The following PDCD10 variants were observed in gnomAD, a reference collection of about 807,000 sequenced individuals.
The protein encoded by PDCD10 is programmed cell death 10, also known as programmed cell death protein 10.
Under a neutral mutation model 29.2 loss-of-function variants are expected in PDCD10, and 4 were observed. The ratio of observed to expected loss-of-function variants is 0.14; its 90% CI spans 0.07 to 0.31. The LOEUF (loss-of-function observed/expected upper bound fraction) is 0.31. Among genes scored for constraint, PDCD10 ranks in the 10% least tolerant of loss-of-function variants. The probability of loss-of-function intolerance (pLI) is 1.00; values close to 1 mark genes in which losing one functional copy is unlikely to be tolerated. For missense variants in PDCD10, 183 were observed against 257.9 expected, an observed-to-expected ratio of 0.71 and a Z score of 1.99; for synonymous variants, 70 against 82.2, an observed-to-expected ratio of 0.85 and a Z score of 0.80.
At chr3:167,714,205 T>C (rs2108466089) in intron 3 of PDCD10, among the ~76,000 whole-genome samples, 1 of 152,218 alleles carries the variant, frequency 6.6e-6, no homozygotes, top group African/African-American at 2.4e-5. Flanking sequence ...CAAGGAGATT[T>C]ATCCCAGGAC....
In PDCD10 at chr3:167,731,976, T is replaced by C. The variant is rs542998865; in HGVS notation, c.-117+2238A>G. Among the ~76,000 whole-genome samples, 14 of 152,252 alleles carry C rather than the reference T, an allele frequency of 9.2e-5. 1 individual carries two copies. The South Asian group carries it at 2.7e-3, about 29-fold the overall frequency. ...GGCCACCAAGTCAGGAAGCAGCTTA[T>C]GTATGTAGTAACTGAAAGGCATGGT... On this transcript the variant is annotated intron_variant, in intron 2 of 8. Transcript: ENST00000392750.
chr3:167,687,468 A>T, intron 7 of PDCD10, 147 bp downstream of exon 7: 1 of 730,568 alleles, frequency 1.4e-6, no homozygotes, highest in South Asian at 1.5e-5. Context: ...CTTTTAAATA[A>T]AAAGGCATAT....
At chr3:167,688,397 T>G (rs2108377992) in intron 6 of PDCD10, among the ~76,000 whole-genome samples, 1 of 152,296 alleles carries the variant, frequency 6.6e-6, no homozygotes, top group African/African-American at 2.4e-5. Context: ...TTCTTGCACT[T>G]TAACCTTCCC....
chr3:167,686,739 C>G (rs1468620054), intron 8 of PDCD10, among the ~76,000 whole-genome samples: 1 of 152,140 alleles, frequency 6.6e-6, no homozygotes, highest in East Asian at 1.9e-4. Context: ...TCTGATGCCA[C>G]TAAAGTTTGA....
At chr3:167,707,760 A>G (rs1283448463) in intron 3 of PDCD10, among the ~76,000 whole-genome samples, 1 of 152,196 alleles carries the variant, frequency 6.6e-6, no homozygotes, top group Admixed American at 6.5e-5. Flanking sequence ...CAGTGCATAC[A>G]CTGTATTTTG....
At position 167,695,602 on chromosome 3, in the gene PDCD10, G is replaced by A. The variant is rs74635000; in HGVS notation, c.389C>T (p.Thr130Ile). The A allele has an allele frequency of 7.4e-6, 12 of 1,613,002 alleles. No individual in the cohort carries two copies. The East Asian group carries it at 2.7e-4, about 36-fold the overall frequency. The change falls in exon 6 of 9, where the codon ACA (threonine) becomes ATA (isoleucine). Residue 130 changes from threonine (T) to isoleucine (I), a missense_variant. Coordinates refer to ENST00000392750, the MANE Select transcript of PDCD10 (RefSeq NM_007217.4). ...AAAACAAATAATTGCTTACTTGATT[G>A]TCTGCAGAAACCTCACTCTGTCATT... Reference protein sequence around the residue: ...EINDRVRFLQTIKDIASAIKE... With the variant: ...EINDRVRFLQIIKDIASAIKE...
intron 2 of PDCD10, among the ~76,000 whole-genome samples, chr3:167,728,236 TAA>T (rs199510641): frequency 2.3e-5 from 3 of 131,076 alleles, no homozygotes; most frequent in East Asian, 2.3e-4. Context: ...CAGTTCTCAA[TAA>T]AAAAAAAAAA....
intron 3 of PDCD10, among the ~76,000 whole-genome samples, chr3:167,716,069 T>C (rs942837160): frequency 2.0e-5 from 3 of 151,964 alleles, no homozygotes; most frequent in Non-Finnish European, 4.4e-5. Flanking sequence ...ACATACACAA[T>C]GGAGAACTAT....
rs777116363 is a variant in PDCD10 at position 167,697,065 on chromosome 3, C to T, written c.212G>A (p.Ser71Asn). ...DIIMKILEKK[S>N]VEVNFTESLL... ...GGACTCCGTGAAGTTAACTTCCACGCTTTTTTTCTCTAAAATTTTCATAAT... is the reference window on the plus strand; with the variant it reads ...GGACTCCGTGAAGTTAACTTCCACGTTTTTTTTCTCTAAAATTTTCATAAT... The change falls in exon 5 of 9, where the codon AGC (serine) becomes AAC (asparagine). Residue 71 changes from serine (S) to asparagine (N), a missense_variant. Coordinates refer to ENST00000392750, the MANE Select transcript of PDCD10 (RefSeq NM_007217.4). 1.3e-5 allele frequency: 21 copies of T among 1,611,824 alleles called. No individual in the cohort carries two copies. The highest frequency in any genetic ancestry group is 1.6e-5 in the Non-Finnish European group (19 of 1,178,116).
rs1466400887 is a variant in PDCD10 at position 167,687,675 on chromosome 3, T to C, written c.414A>G (p.Ile138Met). 2.0e-5 allele frequency: 32 copies of C among 1,567,112 alleles called. No homozygotes were observed. Among genetic ancestry groups the C allele is most frequent in the Non-Finnish European group, 2.8e-5 (32 of 1,137,516 alleles). ...LQTIKDIASA[I>M]KELLDTVNNV... ...TATTCACTGTATCAAGAAGTTCTTT[T>C]ATTGCACTAGCTATATCCCTGTTGG... is the stretch of plus-strand genomic sequence containing the variant. Residue 138 changes from isoleucine to methionine, a missense_variant, in exon 7 of 9, where the codon ATA (isoleucine) becomes ATG (methionine). Physicochemically the swap from Ile to Met is conservative, Grantham distance 10. Coordinates refer to ENST00000392750, the MANE Select transcript of PDCD10 (RefSeq NM_007217.4).
In PDCD10 at chr3:167,707,729, A is replaced by G. The variant is rs140753715; in HGVS notation, c.97-2834T>C. Among the ~76,000 whole-genome samples the G allele has an allele frequency of 4.2e-3, 644 of 152,142 alleles. 4 individuals are homozygous for G. Among genetic ancestry groups the G allele is most frequent in the South Asian group, 8.7e-3 (42 of 4,812 alleles). ...ACAAAAAAAACAGATTAAACACAAT[A>G]AACTTCTTAGTAGTAACTGACAGTG... On this transcript the variant is annotated intron_variant, in intron 3 of 8. Coordinates refer to ENST00000392750, the MANE Select transcript of PDCD10 (RefSeq NM_007217.4).
Position 167,687,303 on chromosome 3 carries a change from T to G in PDCD10, c.488A>C (p.Gln163Pro), listed in dbSNP as rs1483807140. Residue 163 changes from glutamine to proline, a missense_variant, in exon 8 of 9, where the codon CAA becomes CCA. Coordinates refer to ENST00000392750, the MANE Select transcript of PDCD10 (RefSeq NM_007217.4). ...GGAGTACTTTACAAATTCTTTCTTT[T>G]GGTGTTCAAGTGCCTACAGTCACAA... ...QYQNRRALEH[Q>P]KKEFVKYSKS... 3 of 1,584,842 alleles carry G rather than the reference T, an allele frequency of 1.9e-6. No homozygotes were observed. The highest frequency in any genetic ancestry group is 2.6e-6 in the Non-Finnish European group (3 of 1,153,990).
At chr3:167,691,581 G>C (rs1466526715) in intron 6 of PDCD10, among the ~76,000 whole-genome samples, 1 of 152,212 alleles carries the variant, frequency 6.6e-6, no homozygotes, top group African/African-American at 2.4e-5. Flanking sequence ...ATGTCTCAGG[G>C]ACTCTGTAGG....
At position 167,720,175 on chromosome 3, in the gene PDCD10, T is replaced by C. The variant is rs540192506; in HGVS notation, c.-18A>G. 6.5e-7 allele frequency: 1 copy of C among 1,542,262 alleles called. No homozygotes were observed. Among genetic ancestry groups the C allele is most frequent in the South Asian group, 1.1e-5 (1 of 89,682 alleles). On this transcript the variant is annotated 5_prime_UTR_variant, in exon 3 of 9. Coordinates refer to ENST00000392750, the MANE Select transcript of PDCD10 (RefSeq NM_007217.4). ...ATCCTCATTCAAAAGCCAACTACAG[T>C]TGAAAAAGCAGTGCTAAAATGCAGA...
At chr3:167,702,745 G>GT (rs1721574999) in intron 4 of PDCD10, among the ~76,000 whole-genome samples, 1 of 152,052 alleles carries the variant, frequency 6.6e-6, no homozygotes, top group Admixed American at 6.6e-5. Flanking sequence ...GACTGGTGAG[G>GT]TTTCTTTCAT....
At chr3:167,693,962 A>G (rs781520064) in intron 6 of PDCD10, among the ~76,000 whole-genome samples, 13 of 152,202 alleles carry the variant, frequency 8.5e-5, no homozygotes, top group Non-Finnish European at 1.3e-4. Flanking sequence ...AAAAATGTTC[A>G]AGACATGAAA....
rs151098445 is a variant in PDCD10 at position 167,709,890 on chromosome 3, C to T, written c.97-4995G>A. On this transcript the variant is annotated intron_variant, in intron 3 of 8. Coordinates refer to ENST00000392750, the MANE Select transcript of PDCD10 (RefSeq NM_007217.4). ...GGAGTGTGTCTTTTATCTTGTATAC[C>T]AGCTCAGTCACAGTAGGATAAGCAA... 7.6e-4 allele frequency among the ~76,000 whole-genome samples: 116 copies of T among 152,186 alleles called. 1 individual carries two copies. In the East Asian group the frequency reaches 0.02, roughly 27 times the overall value.
At chr3:167,690,813 T>C (rs1720148365) in intron 6 of PDCD10, among the ~76,000 whole-genome samples, 1 of 152,206 alleles carries the variant, frequency 6.6e-6, no homozygotes, top group African/African-American at 2.4e-5. Flanking sequence ...CACAAGTCAT[T>C]ACCCTCATTT....
chr3:167,698,236 G>C (rs1324506575), intron 4 of PDCD10, among the ~76,000 whole-genome samples: 1 of 152,098 alleles, frequency 6.6e-6, no homozygotes, highest in African/African-American at 2.4e-5. Flanking sequence ...CCAATCTTCG[G>C]ATCATTTTAA....
Sources: gnomAD v4.1 joint callset for allele counts (sites outside exome capture counted in the v4.1 genomes callset) on GRCh38, gnomAD v4.1.1 for gene constraint, MANE v1.5 for transcripts, NCBI Gene and HGNC (gene_info 2026-07-23, HGNC 2026-07-21) for gene names.